AJAP1: variants seen among roughly 807,000 people sequenced by gnomAD.
The protein encoded by AJAP1 is adherens junctions associated protein 1.
AJAP1 carries 5 observed loss-of-function variants against 35.0 expected under a neutral mutation model. The ratio of observed to expected loss-of-function variants is 0.14; its 90% confidence interval spans 0.07 to 0.30. The LOEUF (loss-of-function observed/expected upper bound fraction) is 0.30, where lower values mean the gene tolerates loss of function less well. AJAP1 is among the 10% of genes least tolerant of loss of function. AJAP1 has a pLI of 1.00. For missense variants in AJAP1, 586 were observed against 571.0 expected (o/e 1.03, Z -0.27); for synonymous variants, 284 against 249.3 (o/e 1.14, Z -1.31).
At chr1:4,715,342 G>A (rs776700335) in intron 2 of AJAP1, among the ~76,000 whole-genome samples, 1 of 152,188 alleles carries the variant, frequency 6.6e-6, no homozygotes, top group Non-Finnish European at 1.5e-5. Flanking sequence ...GTGTGACCCT[G>A]GAAAAGGTCT....
Position 4,786,017 on chromosome 1 carries a change from A to G in AJAP1, c.*3532A>G, listed in dbSNP as rs981954959. 6.6e-6 allele frequency: 1 copy of G among 152,204 alleles called. No individual in the cohort carries two copies. Among genetic ancestry groups the G allele is most frequent in the African/African-American group, 2.4e-5 (1 of 41,438 alleles). 9.4% of individuals were successfully genotyped at this position (152,204 alleles called of 1,614,324 possible). A position where few individuals can be genotyped will look rare whatever the true frequency, so the allele number is the denominator to read the frequency against. On this transcript the variant is annotated 3_prime_UTR_variant, in exon 6 of 6. Coordinates refer to ENST00000378191, the MANE Select transcript of AJAP1 (RefSeq NM_018836.4). ...TGATGTCACTTTGTCTGATTGGAAT[A>G]TGCGTGTCATTGCTCTTGTTTCCGA...
At chr1:4,732,732 A>C (rs1393973322) in intron 2 of AJAP1, among the ~76,000 whole-genome samples, 2 of 152,246 alleles carry the variant, frequency 1.3e-5, no homozygotes, top group Non-Finnish European at 2.9e-5. Context: ...TGAGTCACAG[A>C]GTCCAGAGCC....
At position 4,783,859 on chromosome 1, in the gene AJAP1, G is replaced by A. The variant is rs1239149442; in HGVS notation, c.*1374G>A. 1 of 152,088 alleles carries A rather than the reference G, an allele frequency of 6.6e-6. No homozygotes were observed. Among genetic ancestry groups the A allele is most frequent in the Non-Finnish European group, 1.5e-5 (1 of 68,030 alleles). 9.4% of individuals were successfully genotyped at this position (152,088 alleles called of 1,614,324 possible). A position where few individuals can be genotyped will look rare whatever the true frequency, so the allele number is the denominator to read the frequency against. On this transcript the variant is annotated 3_prime_UTR_variant, in exon 6 of 6. Coordinates refer to ENST00000378191, the MANE Select transcript of AJAP1 (RefSeq NM_018836.4). ...GAAGGGCCCCGGTTGGTTTGAAAAC[G>A]AAAAATAGTCATTCTGTGTGCAAAC...
At chr1:4,673,621 A>G (rs1488034566) in intron 1 of AJAP1, among the ~76,000 whole-genome samples, 10 of 152,028 alleles carry the variant, frequency 6.6e-5, no homozygotes. Flanking sequence ...GTGTGGAGGG[A>G]GCAGGGGTCA....
At chr1:4,777,648 A>T (rs1050604955) in intron 5 of AJAP1, 6 of 152,186 alleles carry the variant, frequency 3.9e-5, no homozygotes, top group Non-Finnish European at 7.3e-5. Context: ...GTTAATGTTG[A>T]TCTCTTTCCC....
intron 2 of AJAP1, among the ~76,000 whole-genome samples, chr1:4,726,771 G>A (rs899880595): frequency 3.9e-5 from 6 of 152,174 alleles, no homozygotes; most frequent in Admixed American, 6.5e-5. Context: ...AACTGCAGCC[G>A]AGAGCCGGGG....
At chr1:4,738,276 T>C (rs551203479) in intron 2 of AJAP1, among the ~76,000 whole-genome samples, 1 of 152,294 alleles carries the variant, frequency 6.6e-6, no homozygotes, top group South Asian at 2.1e-4. Context: ...AGGGTGATTG[T>C]CTGGAAATTC....
intron 2 of AJAP1, among the ~76,000 whole-genome samples, chr1:4,743,150 C>T (rs979667393): frequency 6.6e-6 from 1 of 152,206 alleles, no homozygotes. Flanking sequence ...CAACTGCTAC[C>T]CTCAAAGGCT....
At chr1:4,781,561 CCCATCCTA>C (rs1382910311) in intron 5 of AJAP1, among the ~76,000 whole-genome samples, 2 of 152,248 alleles carry the variant, frequency 1.3e-5, no homozygotes, top group Non-Finnish European at 2.9e-5. Flanking sequence ...GTACCCCCGC[CCCATCCTA>C]CCACTTTCTG....
chr1:4,704,815 C>T (rs1467447848), intron 1 of AJAP1, among the ~76,000 whole-genome samples: 3 of 152,116 alleles, frequency 2.0e-5, no homozygotes, highest in African/African-American at 7.2e-5. Context: ...CTCTCCAGCA[C>T]CTGTTGTTTC....
intron 5 of AJAP1, 104 bp downstream of exon 5, chr1:4,774,662 G>A (rs929834073): frequency 9.2e-6 from 6 of 654,448 alleles, no homozygotes; most frequent in Admixed American, 5.6e-5. Context: ...TTTAGACATG[G>A]CGGGTGGATT....
Position 4,784,026 on chromosome 1 carries a change from C to G in AJAP1, c.*1541C>G, listed in dbSNP as rs1014537580. Reference sequence around the variant, plus strand: ...TTGGGGGAAGCCTCGGCAAAGATGCCGTTCTCCCGTCAGCTTCCATTGGCC... The same window carrying G: ...TTGGGGGAAGCCTCGGCAAAGATGCGGTTCTCCCGTCAGCTTCCATTGGCC... On this transcript the variant is annotated 3_prime_UTR_variant, in exon 6 of 6. Coordinates refer to ENST00000378191, the MANE Select transcript of AJAP1 (RefSeq NM_018836.4). 6.6e-6 allele frequency: 1 copy of G among 152,164 alleles called. No individual in the cohort carries two copies. Among genetic ancestry groups the G allele is most frequent in the South Asian group, 2.1e-4 (1 of 4,814 alleles). The allele number at this position is 152,164 out of a possible 1,614,324, so 9.4% of individuals were successfully genotyped here.
intron 1 of AJAP1, among the ~76,000 whole-genome samples, chr1:4,689,920 C>T (rs565597278): frequency 9.9e-5 from 15 of 152,234 alleles, no homozygotes; most frequent in South Asian, 2.1e-4. Context: ...TTCCTTCCAA[C>T]GAGAAAAGGG....
At chr1:4,682,525 G>A (rs1244507342) in intron 1 of AJAP1, among the ~76,000 whole-genome samples, 2 of 152,174 alleles carry the variant, frequency 1.3e-5, no homozygotes. Flanking sequence ...TGTGGCTCCT[G>A]CATGGAGTTG....
chr1:4,696,919 T>C (rs1278055701), intron 1 of AJAP1, among the ~76,000 whole-genome samples: 1 of 151,948 alleles, frequency 6.6e-6, no homozygotes, highest in Non-Finnish European at 1.5e-5. Flanking sequence ...CATGCATGCA[T>C]GTTCTGTGTG....
Position 4,655,516 on chromosome 1 carries a change from G to C in AJAP1, c.29+62G>C. Reference sequence around the variant, plus strand: ...CGTGGGTGCCAGGCTGGGCGGAAGCGGCGCTTTCCTCTATGTTGCAAATCA... The same window carrying C: ...CGTGGGTGCCAGGCTGGGCGGAAGCCGCGCTTTCCTCTATGTTGCAAATCA... On this transcript the variant is annotated intron_variant, in intron 1 of 5. Transcript: ENST00000378191. This position sits in a 1 kb window ranked among gnomAD's most constrained non-coding sequence, Gnocchi z 6.9. 6.5e-7 allele frequency: 1 copy of C among 1,537,958 alleles called. No homozygotes were observed. The highest frequency in any genetic ancestry group is 8.8e-7 in the Non-Finnish European group (1 of 1,136,434).
rs577997114 is a variant in AJAP1, at chr1:4,782,193, C to T, written c.*60-352C>T. 6.6e-5 allele frequency among the ~76,000 whole-genome samples: 10 copies of T among 152,292 alleles called. No individual in the cohort carries two copies. The highest frequency in any genetic ancestry group is 2.6e-4 in the Admixed American group (4 of 15,304). On this transcript the variant is annotated intron_variant, in intron 5 of 5. Transcript: ENST00000378191. The surrounding 1 kb of genome is among the most constrained non-coding windows in gnomAD (Gnocchi z 5.3). ...CCACACGCAGGCCCCCTGACATGCA[C>T]GCCTGGGACCGGATGCCCCGGCACC...
intron 2 of AJAP1, among the ~76,000 whole-genome samples, chr1:4,740,226 C>A (rs1267419742): frequency 6.6e-6 from 1 of 151,344 alleles, no homozygotes; most frequent in Non-Finnish European, 1.5e-5. Context: ...GTGGCTGAAC[C>A]TTGAGGACAT....
At chr1:4,681,333 C>A (rs377483269) in intron 1 of AJAP1, among the ~76,000 whole-genome samples, 1 of 152,190 alleles carries the variant, frequency 6.6e-6, no homozygotes, top group South Asian at 2.1e-4. Context: ...ACACTGTTGG[C>A]GTCCCCCTTC....
Sources: allele counts gnomAD v4.1 joint callset (sites outside exome capture counted in the v4.1 genomes callset), GRCh38; gene constraint gnomAD v4.1.1; non-coding constraint Gnocchi (gnomAD v3.1); transcripts MANE v1.5; gene names NCBI Gene and HGNC (gene_info 2026-07-23, HGNC 2026-07-21).